Variants in PTPRK observed in about 807,000 individuals in gnomAD.
PTPRK encodes receptor-type tyrosine-protein phosphatase kappa.
In PTPRK, 75 loss-of-function variants were observed where a neutral mutation model predicts 178.0. The ratio of observed to expected loss-of-function variants is 0.42; its 90% CI spans 0.35 to 0.51. The LOEUF (loss-of-function observed/expected upper bound fraction) is 0.51. PTPRK is among the 20% of genes least tolerant of loss of function. The pLI, the probability that PTPRK is intolerant of heterozygous loss-of-function variation, is 0.02. For missense variants in PTPRK, 1,441 were observed against 1,797.8 expected, an observed-to-expected ratio of 0.80 and a Z score of 3.59; for synonymous variants, 637 against 620.6, an observed-to-expected ratio of 1.03 and a Z score of -0.39.
chr6:127,973,699 G>A lies in PTPRK; in HGVS notation c.4098C>T (p.Cys1366=), dbSNP rs1436254718. The A allele has an allele frequency of 2.1e-5, 34 of 1,613,644 alleles. No individual in the cohort carries two copies. Among genetic ancestry groups the A allele is most frequent in the Admixed American group, 3.3e-5 (2 of 59,966 alleles). Residue 1366 remains cysteine, a synonymous_variant, in exon 28 of 30, where the codon TGC becomes TGT. Transcript: ENST00000368226. The part of the protein sequence containing the change: ...ILQVEKWQEE[C]EEGEGRTIIH... ...TAATCGTCCGGCCTTCCCCTTCCTC[G>A]CATTCCTCCTGCCACTTTTCCACCT...
At chr6:128,115,246 A>C (rs563200311) in intron 7 of PTPRK, among the ~76,000 whole-genome samples, 1 of 152,090 alleles carries the variant, frequency 6.6e-6, no homozygotes, top group Non-Finnish European at 1.5e-5. Context: ...TCTAAGTCAA[A>C]CACATATGTC....
chr6:128,407,225 GGA>G (rs907100490), intron 1 of PTPRK, among the ~76,000 whole-genome samples: 11 of 152,246 alleles, frequency 7.2e-5, no homozygotes, highest in Non-Finnish European at 1.0e-4. Flanking sequence ...ATAATTTAAT[GGA>G]GATAAGAAGT....
intron 3 of PTPRK, among the ~76,000 whole-genome samples, chr6:128,254,748 A>G (rs17055507): frequency 0.07 from 10,659 of 152,116 alleles, 1,031 homozygotes; most frequent in African/African-American, 0.22. Flanking sequence ...TCAAAAAAAA[A>G]AGAAGGAAAC....
intron 5 of PTPRK, among the ~76,000 whole-genome samples, chr6:128,224,431 G>A (rs1810931500): frequency 6.6e-6 from 1 of 152,136 alleles, no homozygotes. Context: ...GAATATAGTG[G>A]TAATAAAGGT....
At chr6:128,376,408 C>G (rs1319793256) in intron 2 of PTPRK, among the ~76,000 whole-genome samples, 1 of 152,226 alleles carries the variant, frequency 6.6e-6, no homozygotes, top group Non-Finnish European at 1.5e-5. Flanking sequence ...TCAGCCATGG[C>G]TGGCATGACT....
chr6:128,112,206 GTATTT>G (rs1790786300), intron 7 of PTPRK, among the ~76,000 whole-genome samples: 1 of 151,944 alleles, frequency 6.6e-6, no homozygotes, highest in Non-Finnish European at 1.5e-5. Flanking sequence ...TTCTTAATGT[GTATTT>G]TATTTTAATG....
chr6:127,993,855 G>T (rs991238792), intron 18 of PTPRK, among the ~76,000 whole-genome samples: 13 of 151,674 alleles, frequency 8.6e-5, no homozygotes, highest in Admixed American at 3.9e-4. Flanking sequence ...ATACACTGGG[G>T]TCTTAACAGA....
intron 1 of PTPRK, among the ~76,000 whole-genome samples, chr6:128,489,180 G>C (rs367577398): frequency 1.3e-5 from 2 of 152,266 alleles, no homozygotes; most frequent in South Asian, 2.1e-4. Context: ...AGTGCCATAA[G>C]TTGAGGAGTG....
intron 6 of PTPRK, among the ~76,000 whole-genome samples, chr6:128,200,730 A>T (rs1320574564): frequency 6.6e-6 from 1 of 150,684 alleles, no homozygotes; most frequent in Non-Finnish European, 1.5e-5. Flanking sequence ...AATAAATAAA[A>T]GTTTTCTAAT....
chr6:127,992,055 A>T (rs1776670958), intron 19 of PTPRK, among the ~76,000 whole-genome samples: 1 of 151,842 alleles, frequency 6.6e-6, no homozygotes, highest in African/African-American at 2.4e-5. Context: ...TATAAAAAAG[A>T]TGTACAGGTT....
intron 3 of PTPRK, among the ~76,000 whole-genome samples, chr6:128,267,102 T>C (rs1738288): frequency 0.086 from 13,026 of 152,086 alleles, 1,361 homozygotes; most frequent in African/African-American, 0.25. Context: ...AAAAGGCTCA[T>C]ATATTAATGC....
intron 15 of PTPRK, among the ~76,000 whole-genome samples, chr6:128,002,591 C>T (rs1394850180): frequency 6.6e-6 from 1 of 151,784 alleles, no homozygotes; most frequent in Non-Finnish European, 1.5e-5. Context: ...ATAGCATTGT[C>T]TTAGATGTTA....
chr6:128,321,815 C>T (rs1460532418), intron 3 of PTPRK: 6 of 720,674 alleles, frequency 8.3e-6, no homozygotes, highest in Non-Finnish European at 1.5e-5. Context: ...GCCAATGTCT[C>T]CAAACACTTC....
intron 1 of PTPRK, among the ~76,000 whole-genome samples, chr6:128,426,730 T>C (rs375533844): frequency 6.6e-6 from 1 of 152,362 alleles, no homozygotes; most frequent in East Asian, 1.9e-4. Context: ...CTATAACCCA[T>C]GTTTTGGCGG....
intron 1 of PTPRK, among the ~76,000 whole-genome samples, chr6:128,451,622 A>T (rs778097116): frequency 6.6e-6 from 1 of 151,914 alleles, no homozygotes; most frequent in Non-Finnish European, 1.5e-5. Flanking sequence ...GCCTCGGTAA[A>T]TTTTTTTTGT....
chr6:128,209,088 C>G lies in PTPRK; in HGVS notation c.868+9834G>C, dbSNP rs577526680. Among the ~76,000 whole-genome samples the G allele has an allele frequency of 8.5e-5, 13 of 152,132 alleles. No homozygotes were observed. The East Asian group carries it at 2.1e-3, about 25-fold the overall frequency. On this transcript the variant is annotated intron_variant, in intron 6 of 29. Coordinates refer to ENST00000368226, the MANE Select transcript of PTPRK (RefSeq NM_002844.4). ...TTCTTTCTACCATAACCACCCCCCCCAGGAACACTTATCACTTATCATCTC... is the reference window on the plus strand; with the variant it reads ...TTCTTTCTACCATAACCACCCCCCCGAGGAACACTTATCACTTATCATCTC...
intron 1 of PTPRK, among the ~76,000 whole-genome samples, chr6:128,450,575 C>T (rs551494224): frequency 1.6e-4 from 24 of 152,288 alleles, no homozygotes; most frequent in African/African-American, 5.5e-4. Flanking sequence ...ACCATTTCCA[C>T]GTCATATTAA....
rs181333073 is a variant in PTPRK, at chr6:128,076,149, G to T, written c.1883+2664C>A. Among the ~76,000 whole-genome samples the T allele has an allele frequency of 6.6e-5, 10 of 152,090 alleles. No homozygotes were observed. The East Asian group carries it at 1.7e-3, about 26-fold the overall frequency. On this transcript the variant is annotated intron_variant, in intron 11 of 29. Coordinates refer to ENST00000368226, the MANE Select transcript of PTPRK (RefSeq NM_002844.4). The stretch of plus-strand genomic sequence containing the variant: ...AAATTGCTTCAAGTACATTTGAAGT[G>T]AGTGATGGGAATCCAATCAAAGATT...
At chr6:128,185,814 C>A (rs1802664121) in intron 6 of PTPRK, among the ~76,000 whole-genome samples, 1 of 152,026 alleles carries the variant, frequency 6.6e-6, no homozygotes, top group Non-Finnish European at 1.5e-5. Context: ...TAATCAATAT[C>A]TTTCTAGTTG....
Sources: allele counts gnomAD v4.1 joint callset (sites outside exome capture counted in the v4.1 genomes callset), GRCh38; gene constraint gnomAD v4.1.1; transcripts MANE v1.5; gene names NCBI Gene and HGNC (gene_info 2026-07-23, HGNC 2026-07-21).